Variants in CFAP54 observed in about 807,000 individuals in gnomAD.
CFAP54 encodes cilia- and flagella-associated protein 54.
In CFAP54, 290 loss-of-function variants were observed where a neutral mutation model predicts 370.4. The ratio of observed to expected loss-of-function variants is 0.78; its 90% confidence interval spans 0.71 to 0.86. CFAP54 has a LOEUF of 0.86. Among genes scored for constraint, CFAP54 ranks in the 40% least tolerant of loss-of-function variants. The pLI is 0.00. For synonymous variants in CFAP54, 1,206 were observed against 1,236.5 expected, an observed-to-expected ratio of 0.98 and a Z score of 0.52; for missense variants, 3,399 against 3,528.7, an observed-to-expected ratio of 0.96 and a Z score of 0.93.
intron 48 of CFAP54, among the ~76,000 whole-genome samples, chr12:96,713,523 A>G (rs1377513682): frequency 2.6e-5 from 4 of 152,300 alleles, no homozygotes; most frequent in South Asian, 4.2e-4. Flanking sequence ...ACTATTTATT[A>G]CCTCCTATGT....
chr12:96,566,333 G>A (rs1306258836), intron 19 of CFAP54, among the ~76,000 whole-genome samples: 3 of 152,144 alleles, frequency 2.0e-5, no homozygotes, highest in African/African-American at 7.2e-5. Flanking sequence ...TTGACTCCAA[G>A]TAAAGGGACT....
chr12:96,534,170 G>T lies in CFAP54; in HGVS notation c.1648G>T (p.Glu550Ter). ...AAACAAAGGTTTGATCTTTCCTTTG[G>T]AAAACTATAAAGAAGGACAGTCAAC... The part of the protein sequence containing the change: ...KRNKGLIFPL[E>*]NYKEGQSTQI... Residue 550 changes from glutamate (E) to a stop codon, truncating the protein, a stop_gained, in exon 11 of 68, where the codon GAA becomes TAA. Transcript: ENST00000524981. LOFTEE classifies it high-confidence loss of function. 6.6e-7 allele frequency: 1 copy of T among 1,516,836 alleles called. No homozygotes were observed. Among genetic ancestry groups the T allele is most frequent in the Non-Finnish European group, 8.8e-7 (1 of 1,131,246 alleles). The allele number at this position is 1,516,836 out of a possible 1,614,324, so 94.0% of individuals were successfully genotyped here.
intron 65 of CFAP54, among the ~76,000 whole-genome samples, chr12:96,825,350 CAT>C (rs1565992570): frequency 8.5e-6 from 1 of 117,152 alleles, no homozygotes; most frequent in African/African-American, 3.4e-5. Context: ...TATTATGTAA[CAT>C]GTTATATTAT....
At chr12:96,643,008 C>T (rs1049244680) in intron 32 of CFAP54, among the ~76,000 whole-genome samples, 2 of 152,184 alleles carry the variant, frequency 1.3e-5, no homozygotes, top group African/African-American at 4.8e-5. Context: ...TGAACTATCG[C>T]ACTCTCCATG....
chr12:96,805,536 T>A (rs973515747), intron 63 of CFAP54, among the ~76,000 whole-genome samples: 2 of 150,668 alleles, frequency 1.3e-5, no homozygotes, highest in Admixed American at 1.3e-4. Flanking sequence ...TAAGATGTCA[T>A]CTTAACACCA....
chr12:96,602,649 G>A (rs1459198189), intron 26 of CFAP54, among the ~76,000 whole-genome samples: 1 of 152,148 alleles, frequency 6.6e-6, no homozygotes. Flanking sequence ...CCTGTATTGG[G>A]TGCATATATA....
intron 39 of CFAP54, among the ~76,000 whole-genome samples, chr12:96,668,115 T>C (rs1309787604): frequency 2.6e-5 from 4 of 152,228 alleles, no homozygotes; most frequent in Admixed American, 6.5e-5. Flanking sequence ...CTCTAGGAAG[T>C]TCCAGACTTT....
Position 96,513,007 on chromosome 12 carries a change from T to A in CFAP54, c.761T>A (p.Ile254Asn). ...CCAGGTACCATTTATATTTACACCA[T>A]TTGCAGAAAACTGATGGTCATAGGT... ...IFNGTIYIYT[I>N]CRKLMVIGQS... Residue 254 changes from isoleucine (I) to asparagine (N), a missense_variant, in exon 5 of 68, where the codon ATT becomes AAT. Ile to Asn is a moderately radical substitution (Grantham distance 149). Coordinates refer to ENST00000524981, the MANE Select transcript of CFAP54 (RefSeq NM_001306084.2). 6.6e-7 allele frequency: 1 copy of A among 1,518,362 alleles called. No individual in the cohort carries two copies. The highest frequency in any genetic ancestry group is 1.2e-5 in the South Asian group (1 of 80,556). The allele number at this position is 1,518,362 out of a possible 1,614,324, so 94.1% of individuals were successfully genotyped here.
intron 39 of CFAP54, among the ~76,000 whole-genome samples, chr12:96,665,271 T>C (rs1296467474): frequency 6.6e-6 from 1 of 152,066 alleles, no homozygotes; most frequent in East Asian, 1.9e-4. Flanking sequence ...GGGAGATATG[T>C]CTGTTTACAA....
intron 26 of CFAP54, among the ~76,000 whole-genome samples, chr12:96,613,186 C>A (rs971866570): frequency 6.6e-6 from 1 of 152,156 alleles, no homozygotes; most frequent in Non-Finnish European, 1.5e-5. Flanking sequence ...GACCACAGAG[C>A]AATCAAACAA....
At chr12:96,835,974 G>A (rs1959184954) in intron 66 of CFAP54, among the ~76,000 whole-genome samples, 2 of 152,182 alleles carry the variant, frequency 1.3e-5, no homozygotes, top group South Asian at 4.1e-4. Flanking sequence ...CCTGTCTAGG[G>A]GAGAGAAGGA....
Position 96,699,996 on chromosome 12 carries a change from T to G in CFAP54, c.6377T>G (p.Phe2126Cys). The G allele has an allele frequency of 6.3e-7, 1 of 1,587,442 alleles. No individual in the cohort carries two copies. The highest frequency in any genetic ancestry group is 2.2e-5 in the East Asian group (1 of 44,518). Reference protein sequence around the residue: ...LKIEVLIDLRFFSEAFYEISQ... With the variant: ...LKIEVLIDLRCFSEAFYEISQ... The stretch of plus-strand genomic sequence containing the variant: ...ATAGAAGTCCTTATAGATTTGAGAT[T>G]CTTTTCTGAAGCCTTTTATGAGATA... Residue 2126 changes from phenylalanine to cysteine, a missense_variant, in exon 46 of 68, where the codon TTC becomes TGC. Coordinates refer to ENST00000524981, the MANE Select transcript of CFAP54 (RefSeq NM_001306084.2).
chr12:96,860,752 T>C, intron 66 of CFAP54, 67 bp from the exon 67 acceptor site: 6 of 1,399,712 alleles, frequency 4.3e-6, no homozygotes, highest in Non-Finnish European at 5.6e-6. Flanking sequence ...GCTATTTGGG[T>C]ATTTTGAGAA....
chr12:96,510,870 C>T (rs529339835), intron 4 of CFAP54, among the ~76,000 whole-genome samples: 6 of 149,378 alleles, frequency 4.0e-5, no homozygotes, highest in Non-Finnish European at 8.9e-5. Flanking sequence ...GCCTGAGGCA[C>T]GGGAATCACT....
In CFAP54 at chr12:96,743,479, C is replaced by T; in HGVS notation, c.7297C>T (p.Gln2433Ter). 6.2e-7 allele frequency: 1 copy of T among 1,614,056 alleles called. No homozygotes were observed. Among genetic ancestry groups the T allele is most frequent in the African/African-American group, 1.3e-5 (1 of 75,016 alleles). The change falls in exon 53 of 68, where the codon CAG becomes TAG. Residue 2433 changes from glutamine (Q) to a stop codon, truncating the protein, a stop_gained. Coordinates refer to ENST00000524981, the MANE Select transcript of CFAP54 (RefSeq NM_001306084.2). LOFTEE classifies it high-confidence loss of function. ...AAAAAGCGCAGGGGACACGGAACTG[C>T]AGGCTGAATTCTTGACGCAAGCTGT... ...EAKSAGDTELQAEFLTQAVIL... is the reference protein window; with the variant it reads ...EAKSAGDTEL
chr12:96,495,290 TTCTTTCC>T (rs1954938744), intron 1 of CFAP54, among the ~76,000 whole-genome samples: 5 of 147,984 alleles, frequency 3.4e-5, no homozygotes, highest in Non-Finnish European at 7.5e-5. Flanking sequence ...CCTTCCTTCC[TTCTTTCC>T]TTCCTTCCTT....
chr12:96,565,728 AC>A (rs901106362), intron 19 of CFAP54, among the ~76,000 whole-genome samples: 1 of 152,186 alleles, frequency 6.6e-6, no homozygotes, highest in Non-Finnish European at 1.5e-5. Context: ...CAGGGCAGAC[AC>A]CTCATCTTTT....
At chr12:96,605,877 T>C (rs896548734) in intron 26 of CFAP54, among the ~76,000 whole-genome samples, 2 of 152,162 alleles carry the variant, frequency 1.3e-5, no homozygotes, top group Admixed American at 1.3e-4. Context: ...GAGCAAGAGT[T>C]ACAAACTCAA....
At chr12:96,538,694 G>C in intron 13 of CFAP54, 176 bp downstream of exon 13, 2 of 632,578 alleles carry the variant, frequency 3.2e-6, no homozygotes, top group Non-Finnish European at 5.3e-6. Flanking sequence ...TTCTTTTAAT[G>C]TGTGTTCCCT....
Sources: gnomAD v4.1 joint callset for allele counts (sites outside exome capture counted in the v4.1 genomes callset) on GRCh38, gnomAD v4.1.1 for gene constraint, MANE v1.5 for transcripts, NCBI Gene and HGNC (gene_info 2026-07-23, HGNC 2026-07-21) for gene names.